The following TSPEAR variants were observed in gnomAD, a reference collection of about 807,000 sequenced individuals.
TSPEAR encodes the protein thrombospondin type laminin G domain and EAR repeats, also known as thrombospondin-type laminin G domain and EAR repeat-containing protein.
In TSPEAR, 69 loss-of-function variants were observed where a neutral mutation model predicts 71.6. That is an observed-to-expected ratio of 0.96 (90% confidence interval 0.79 to 1.18). The LOEUF is 1.18. TSPEAR is among the 50% of genes most tolerant of loss of function. The pLI, the probability that TSPEAR is intolerant of heterozygous loss-of-function variation, is 0.00. For missense variants in TSPEAR, 971 were observed against 894.9 expected (o/e 1.09, Z -1.09); for synonymous variants, 402 against 387.2 (o/e 1.04, Z -0.45).
intron 1 of TSPEAR, chr21:44,591,432 G>C (rs1268815975): frequency 6.2e-7 from 1 of 1,613,476 alleles, no homozygotes; most frequent in Non-Finnish European, 8.5e-7. Context: ...AGCAGGCAGG[G>C]CGGGAGCACA....
intron 1 of TSPEAR, chr21:44,647,512 A>C: frequency 6.8e-6 from 6 of 883,768 alleles, no homozygotes; most frequent in Non-Finnish European, 8.6e-6. Context: ...TTTCCTCCCC[A>C]CTGTCTGGGA....
At chr21:44,650,173 G>A (rs991423105) in intron 1 of TSPEAR, among the ~76,000 whole-genome samples, 19 of 151,420 alleles carry the variant, frequency 1.3e-4, no homozygotes, top group Non-Finnish European at 2.4e-4. Flanking sequence ...CCGTGATCGC[G>A]CCACTGCACT....
chr21:44,595,686 C>T (rs1484485237), intron 1 of TSPEAR, among the ~76,000 whole-genome samples: 1 of 152,334 alleles, frequency 6.6e-6, no homozygotes, highest in East Asian at 1.9e-4. Context: ...ACAAGGACAC[C>T]TGTTTACCAT....
intron 1 of TSPEAR, among the ~76,000 whole-genome samples, chr21:44,582,965 G>A (rs587596429): frequency 3.3e-5 from 5 of 151,930 alleles, no homozygotes; most frequent in African/African-American, 1.2e-4. Context: ...TGGGATTACA[G>A]GTGTGCACCA....
In TSPEAR at chr21:44,567,822, A is replaced by C; in HGVS notation, c.266T>G (p.Ile89Ser). The change falls in exon 2 of 12, where the codon ATC becomes AGC. Residue 89 changes from isoleucine (I) to serine (S), a missense_variant. Ile to Ser is a moderately radical substitution (Grantham distance 142). Transcript: ENST00000323084. ...ATTGGGAACTCTCAAAGTTACGACG[A>C]TGGAAAATTCTTCAGGGAAGAGGTC... ...QCDLFPEEFS[I>S]VVTLRVPNLP... The C allele has an allele frequency of 9.4e-6, 15 of 1,599,858 alleles. No homozygotes were observed. The highest frequency in any genetic ancestry group is 1.3e-5 in the Non-Finnish European group (15 of 1,171,622).
chr21:44,613,038 GCCT>G, intron 1 of TSPEAR: 3 of 1,117,252 alleles, frequency 2.7e-6, no homozygotes, highest in Non-Finnish European at 3.8e-6. Flanking sequence ...ACTCCCAGGA[GCCT>G]CCATCCTCAC....
At chr21:44,601,140 C>T (rs781829534) in intron 1 of TSPEAR, 3 of 1,599,072 alleles carry the variant, frequency 1.9e-6, no homozygotes, top group East Asian at 2.3e-5. Context: ...CTTCGTGCTG[C>T]CAGCAGTCTA....
At chr21:44,525,420 G>A (rs2052834610) in intron 8 of TSPEAR, among the ~76,000 whole-genome samples, 1 of 152,188 alleles carries the variant, frequency 6.6e-6, no homozygotes, top group South Asian at 2.1e-4. Context: ...TTCTGTGCTG[G>A]GAGTCAGTCT....
chr21:44,509,135 G>T, intron 10 of TSPEAR, 64 bp downstream of exon 10: 1 of 1,547,014 alleles, frequency 6.5e-7, no homozygotes, highest in Non-Finnish European at 8.8e-7. Flanking sequence ...GCCTAACGGG[G>T]ATTCCGACAT....
At chr21:44,700,085 C>T (rs901602896) in intron 1 of TSPEAR, among the ~76,000 whole-genome samples, 14 of 152,320 alleles carry the variant, frequency 9.2e-5, no homozygotes, top group East Asian at 5.8e-4. Context: ...GGAGACGCCC[C>T]GTGCTTTGAG....
chr21:44,557,908 G>A lies in TSPEAR; in HGVS notation c.303+9877C>T, dbSNP rs1462428712. On this transcript the variant is annotated intron_variant, in intron 2 of 11. Coordinates refer to ENST00000323084, the MANE Select transcript of TSPEAR (RefSeq NM_144991.3). The stretch of plus-strand genomic sequence containing the variant: ...TGTGGGAGAGATGCATGCCTGGAGG[G>A]AATCGGCATGAAAGCTCAGCATTGC... 6.1e-6 allele frequency: 6 copies of A among 980,808 alleles called. No individual in the cohort carries two copies. In the East Asian group the frequency reaches 1.6e-4, roughly 26 times the overall value. The allele number at this position is 980,808 out of a possible 1,614,324, so 60.8% of individuals were successfully genotyped here. A position where few individuals can be genotyped will look rare whatever the true frequency, so the allele number is the denominator to read the frequency against.
chr21:44,569,320 C>T (rs1178219178), intron 1 of TSPEAR, among the ~76,000 whole-genome samples: 9 of 152,062 alleles, frequency 5.9e-5, no homozygotes, highest in African/African-American at 1.7e-4. Flanking sequence ...CAGCCGTGCA[C>T]GTCCGCAAGT....
intron 2 of TSPEAR, among the ~76,000 whole-genome samples, chr21:44,565,732 A>G (rs1480868291): frequency 2.0e-5 from 3 of 152,230 alleles, no homozygotes; most frequent in Non-Finnish European, 4.4e-5. Context: ...AAGGGCATCT[A>G]TGAAGAATCC....
chr21:44,535,113 G>C (rs1274792317), intron 2 of TSPEAR, among the ~76,000 whole-genome samples: 1 of 152,190 alleles, frequency 6.6e-6, no homozygotes, highest in African/African-American at 2.4e-5. Context: ...TGGAGTTTCA[G>C]TGTTGGGAGA....
At chr21:44,564,613 A>ATGG (rs2053679226) in intron 2 of TSPEAR, among the ~76,000 whole-genome samples, 2 of 152,238 alleles carry the variant, frequency 1.3e-5, no homozygotes, top group Admixed American at 1.3e-4. Context: ...GGAAATAATA[A>ATGG]AAGAGCACCA....
chr21:44,515,028 CCCACACCCCCGCAGA>C (rs1206448389), intron 9 of TSPEAR, among the ~76,000 whole-genome samples: 2 of 152,138 alleles, frequency 1.3e-5, no homozygotes, highest in South Asian at 2.1e-4. Flanking sequence ...CCACCTGCAC[CCCACACCCCCGCAGA>C]CCCCTCCAGA....
intron 1 of TSPEAR, chr21:44,601,955 G>A (rs1026521592): frequency 4.3e-6 from 3 of 697,614 alleles, no homozygotes; most frequent in Non-Finnish European, 7.2e-6. Context: ...CCCAGCAACA[G>A]GTGGGCAGTG....
intron 1 of TSPEAR, among the ~76,000 whole-genome samples, chr21:44,576,277 G>A (rs587710964): frequency 4.1e-5 from 6 of 147,978 alleles, no homozygotes; most frequent in African/African-American, 1.1e-4. Flanking sequence ...TAACTCATGG[G>A]TGAACAGACA....
intron 1 of TSPEAR, among the ~76,000 whole-genome samples, chr21:44,664,803 G>A (rs781879105): frequency 5.3e-5 from 8 of 152,300 alleles, no homozygotes; most frequent in Middle Eastern, 3.4e-3. Flanking sequence ...GCTAACAAAT[G>A]CCCCATGTGG....
Sources: allele counts gnomAD v4.1 joint callset (sites outside exome capture counted in the v4.1 genomes callset), GRCh38; gene constraint gnomAD v4.1.1; transcripts MANE v1.5; gene names NCBI Gene and HGNC (gene_info 2026-07-23, HGNC 2026-07-21).